Variants in MMP25 observed in about 807,000 individuals in gnomAD.
MMP25 encodes matrix metallopeptidase 25.
MMP25 carries 68 observed loss-of-function variants against 62.1 expected under a neutral mutation model. The ratio of observed to expected loss-of-function variants is 1.10; its 90% CI spans 0.90 to 1.34. The LOEUF is 1.34. MMP25 is among the 40% of genes most tolerant of loss of function. The pLI is 0.00. For synonymous variants in MMP25, 407 were observed against 345.6 expected (o/e 1.18, Z -1.97); for missense variants, 942 against 792.5 (o/e 1.19, Z -2.26).
In MMP25 at chr16:3,058,195, C is replaced by T. The variant is rs768950696; in HGVS notation, c.1021C>T (p.Arg341Cys). Residue 341 changes from arginine (R) to cysteine (C), a missense_variant, in exon 8 of 10, where the codon CGC (arginine) becomes TGC (cysteine). Coordinates refer to ENST00000336577, the MANE Select transcript of MMP25 (RefSeq NM_022468.5). ...GTCCCCTGCAGGCCCCTGGTTCTGG[C>T]GCCTCCAGCCCTCCGGACAGCTGGT... ...TFFFKGPWFW[R>C]LQPSGQLVSP... 1.2e-6 allele frequency: 2 copies of T among 1,612,624 alleles called. No individual in the cohort carries two copies. The highest frequency in any genetic ancestry group is 1.7e-5 in the Admixed American group (1 of 59,858).
chr16:3,059,151 G>T lies in MMP25; in HGVS notation c.*53G>T. ...GCCCTCCACGGCCGAGTCCCCCGCC[G>T]CTGGACCTGGTCGGGGGTTGTGAGG... On this transcript the variant is annotated 3_prime_UTR_variant, in exon 10 of 10. Coordinates refer to ENST00000336577, the MANE Select transcript of MMP25 (RefSeq NM_022468.5). 2.7e-6 allele frequency: 4 copies of T among 1,470,646 alleles called. No individual in the cohort carries two copies. The highest frequency in any genetic ancestry group is 9.1e-7 in the Non-Finnish European group (1 of 1,104,798). The allele number at this position is 1,470,646 out of a possible 1,614,324, so 91.1% of individuals were successfully genotyped here.
rs1489378123 is a variant in MMP25 at position 3,050,210 on chromosome 16, G to A, written c.369-44G>A. The A allele has an allele frequency of 3.2e-6, 5 of 1,575,524 alleles. No homozygotes were observed. The South Asian group carries it at 4.7e-5, about 15-fold the overall frequency. On this transcript the variant is annotated intron_variant, in intron 3 of 9. Coordinates refer to ENST00000336577, the MANE Select transcript of MMP25 (RefSeq NM_022468.5). ...GGGCTCCGGCTTTGAATGGCTGCCTGCTCCCTCCACGGCCACCCTTACACC... is the reference window on the plus strand; with the variant it reads ...GGGCTCCGGCTTTGAATGGCTGCCTACTCCCTCCACGGCCACCCTTACACC...
At chr16:3,056,982 C>G (rs1391916992) in intron 4 of MMP25, 51 bp from the exon 5 acceptor site, 1 of 1,517,928 alleles carries the variant, frequency 6.6e-7, no homozygotes. Context: ...TTCCTGTGGC[C>G]CCTTTCCCCA....
In MMP25 at chr16:3,050,263, C is replaced by G; in HGVS notation, c.378C>G (p.Ser126=). The G allele has an allele frequency of 2.5e-6, 4 of 1,596,850 alleles. No homozygotes were observed. The highest frequency in any genetic ancestry group is 1.1e-5 in the South Asian group (1 of 89,130). ...KKRTLTWRVR[S]FPQSSQLSQE... is the part of the protein sequence containing the mutation. ...ACTCCCCTCTCCCCAGGGTACGTTC[C>G]TTCCCCCAGAGCTCCCAGCTGAGCC... Residue 126 remains serine, a synonymous_variant, in exon 4 of 10, where the codon TCC becomes TCG. Transcript: ENST00000336577.
In MMP25 at chr16:3,058,228, C is replaced by A. The variant is rs59807543; in HGVS notation, c.1054C>A (p.Arg352=). 7,364 of 1,612,560 alleles carry A rather than the reference C, an allele frequency of 4.6e-3. 241 individuals are homozygous for A. In the African/African-American group the frequency reaches 0.075, roughly 16 times the overall value. Reference sequence around the variant, plus strand: ...GCCCTCCGGACAGCTGGTGTCCCCGCGACCCGCACGGCTGCACCGCTTCTG... The same window carrying A: ...GCCCTCCGGACAGCTGGTGTCCCCGAGACCCGCACGGCTGCACCGCTTCTG... ...LQPSGQLVSP[R]PARLHRFWEG... The change falls in exon 8 of 10, where the codon CGA becomes AGA. Residue 352 remains arginine (R), a synonymous_variant. Transcript: ENST00000336577.
At chr16:3,050,986 T>C (rs756972950) in intron 4 of MMP25, 13 of 153,704 alleles carry the variant, frequency 8.5e-5, no homozygotes, top group Non-Finnish European at 1.7e-4. Context: ...AGATGGGGCT[T>C]CACTATGTCA....
rs141712835 is a variant in MMP25 at position 3,057,034 on chromosome 16, C to A, written c.663C>A (p.Asp221Glu). 2 of 1,565,950 alleles carry A rather than the reference C, an allele frequency of 1.3e-6. No individual in the cohort carries two copies. The highest frequency in any genetic ancestry group is 1.8e-5 in the Admixed American group (1 of 54,162). Residue 221 changes from aspartate to glutamate, a missense_variant and splice_region_variant, in exon 5 of 10, where the codon GAC (aspartate) becomes GAA (glutamate). Physicochemically the swap from Asp to Glu is conservative, Grantham distance 45. Coordinates refer to ENST00000336577, the MANE Select transcript of MMP25 (RefSeq NM_022468.5). Reference sequence around the variant, plus strand: ...GCTCTCACCCACTTTCTCCTGCAGACGGCGAGGGGACCGACCTGTTTGCCG... The same window carrying A: ...GCTCTCACCCACTTTCTCCTGCAGAAGGCGAGGGGACCGACCTGTTTGCCG... ...DEETWTFGSK[D>E]GEGTDLFAVA...
chr16:3,058,764 G>A, intron 9 of MMP25, 63 bp from the exon 10 acceptor site: 2 of 1,506,572 alleles, frequency 1.3e-6, no homozygotes, highest in Non-Finnish European at 1.8e-6. Context: ...GGGGATGGGG[G>A]TCCTTGGGCA....
At chr16:3,055,570 C>T (rs768778606) in intron 4 of MMP25, among the ~76,000 whole-genome samples, 1 of 152,208 alleles carries the variant, frequency 6.6e-6, no homozygotes, top group Non-Finnish European at 1.5e-5. Flanking sequence ...GTAAAATGGG[C>T]ATAGGAGACA....
Position 3,057,441 on chromosome 16 carries a change from C to A in MMP25, c.923+47C>A, listed in dbSNP as rs367916018. 533 of 1,596,336 alleles carry A rather than the reference C, an allele frequency of 3.3e-4. 1 individual carries two copies. Among genetic ancestry groups the A allele is most frequent in the Non-Finnish European group, 4.5e-4 (519 of 1,165,186 alleles). ...AGACCTTGGGTGACCAGCTGCCCAGCCTCAGTGTCCTCTGAGATGGGGATG... is the reference window on the plus strand; with the variant it reads ...AGACCTTGGGTGACCAGCTGCCCAGACTCAGTGTCCTCTGAGATGGGGATG... On this transcript the variant is annotated intron_variant, in intron 6 of 9. Coordinates refer to ENST00000336577, the MANE Select transcript of MMP25 (RefSeq NM_022468.5).
intron 7 of MMP25, chr16:3,057,852 C>G: frequency 1.7e-6 from 1 of 591,410 alleles, no homozygotes; most frequent in East Asian, 2.9e-5. Flanking sequence ...GCACATGCCA[C>G]CACGCCTTGC....
chr16:3,047,516 G>A lies in MMP25; in HGVS notation c.201G>A (p.Arg67=), dbSNP rs1163566605. The A allele has an allele frequency of 5.6e-6, 9 of 1,613,726 alleles. No homozygotes were observed. The highest frequency in any genetic ancestry group is 5.9e-6 in the Non-Finnish European group (7 of 1,179,954). Residue 67 remains arginine (R), a synonymous_variant, in exon 2 of 10, where the codon AGG becomes AGA. Transcript: ENST00000336577. ...KLRDAIKVMQ[R]FAGLPETGRM... ...GCGATGCCATCAAAGTCATGCAGAG[G>A]TTCGCGGGGCTGCCGGAGACCGGCC...
At chr16:3,055,491 A>C (rs376071830) in intron 4 of MMP25, among the ~76,000 whole-genome samples, 25 of 152,210 alleles carry the variant, frequency 1.6e-4, no homozygotes, top group South Asian at 2.1e-4. Context: ...CCCTGCTGAA[A>C]GGCAGGCTGG....
rs762488230 is a variant in MMP25 at position 3,058,908 on chromosome 16, C to G, written c.1499C>G (p.Pro500Arg). ...SIKTEPDAPQ[P>R]MGPNWLDCPA... ...AAGACCGAGCCGGACGCCCCCCAGC[C>G]CATGGGGCCCAACTGGCTGGACTGC... The change falls in exon 10 of 10, where the codon CCC becomes CGC. Residue 500 changes from proline to arginine, a missense_variant. Physicochemically the swap from Pro to Arg is moderately radical, Grantham distance 103. Transcript: ENST00000336577. 26 of 1,553,764 alleles carry G rather than the reference C, an allele frequency of 1.7e-5. No individual in the cohort carries two copies. Among genetic ancestry groups the G allele is most frequent in the African/African-American group, 2.7e-5 (2 of 73,582 alleles).
chr16:3,049,884 T>C (rs1955873051), intron 2 of MMP25, 125 bp from the exon 3 acceptor site: 1 of 1,439,128 alleles, frequency 6.9e-7, no homozygotes, highest in Non-Finnish European at 9.6e-7. Flanking sequence ...CTGTGGGGCC[T>C]TCGAGGGCAC....
rs568729577 is a variant in MMP25, at chr16:3,047,662, C to T, written c.232+115C>T. The T allele has an allele frequency of 3.3e-5, 41 of 1,235,302 alleles. No individual in the cohort carries two copies. The Admixed American group carries it at 7.3e-4, about 22-fold the overall frequency. The allele number at this position is 1,235,302 out of a possible 1,614,324, so 76.5% of individuals were successfully genotyped here. A position where few individuals can be genotyped will look rare whatever the true frequency, so the allele number is the denominator to read the frequency against. ...CACGGAGCTGTGAAGATGCTGATCT[C>T]AGGCCCCAAACCCAGAGGGCCTCAG... On this transcript the variant is annotated intron_variant, in intron 2 of 9. Coordinates refer to ENST00000336577, the MANE Select transcript of MMP25 (RefSeq NM_022468.5).
Position 3,057,376 on chromosome 16 carries a change from C to T in MMP25, c.905C>T (p.Pro302Leu), listed in dbSNP as rs768677990. 1.4e-5 allele frequency: 23 copies of T among 1,612,746 alleles called. No homozygotes were observed. Among genetic ancestry groups the T allele is most frequent in the South Asian group, 1.1e-5 (1 of 90,880 alleles). Residue 302 changes from proline (P) to leucine (L), a missense_variant, in exon 6 of 10, where the codon CCG (proline) becomes CTG (leucine). Physicochemically the swap from Pro to Leu is moderately conservative, Grantham distance 98. Transcript: ENST00000336577. The stretch of plus-strand genomic sequence containing the variant: ...CCCCTGGCTCCTCCGCCCCAGCCCC[C>T]GGCCTCGCCCACACACAGGTGAGTC... ...RKPLAPPPQP[P>L]ASPTHSPSFP...
intron 7 of MMP25, 126 bp downstream of exon 7, chr16:3,057,739 C>T (rs1202487292): frequency 2.3e-6 from 2 of 883,944 alleles, no homozygotes; most frequent in Non-Finnish European, 3.7e-6. Flanking sequence ...TGCTTTGTTG[C>T]CTGGGCCGCA....
intron 4 of MMP25, chr16:3,053,357 G>A (rs1440505186): frequency 6.8e-6 from 1 of 146,888 alleles, no homozygotes. Context: ...GAGAATGTGG[G>A]CTTCAAAGCT....
Sources: gnomAD v4.1 joint callset for allele counts (sites outside exome capture counted in the v4.1 genomes callset) on GRCh38, gnomAD v4.1.1 for gene constraint, MANE v1.5 for transcripts, NCBI Gene and HGNC (gene_info 2026-07-23, HGNC 2026-07-21) for gene names.